Variants in CASZ1 observed in about 807,000 individuals in gnomAD.
CASZ1 encodes zinc finger protein castor homolog 1.
Under a neutral mutation model 135.2 loss-of-function variants are expected in CASZ1, and 28 were observed. The observed-to-expected ratio is 0.21, with a 90% CI of 0.15 to 0.28. CASZ1 has a LOEUF of 0.28. Among genes scored for constraint, CASZ1 ranks in the 10% least tolerant of loss-of-function variants. The pLI is 1.00. For missense variants in CASZ1, 2,161 were observed against 2,453.3 expected, an observed-to-expected ratio of 0.88 and a Z score of 2.52; for synonymous variants, 1,068 against 1,073.4, an observed-to-expected ratio of 0.99 and a Z score of 0.10.
rs1175654545 is a variant in CASZ1 at position 10,755,615 on chromosome 1, GT to G, written c.-77+5085del. On this transcript the variant is annotated intron_variant, in intron 2 of 20. Transcript: ENST00000377022. This position sits in a 1 kb window ranked among gnomAD's most constrained non-coding sequence, Gnocchi z 4.3. ...GGGCCCGTGCATGGCGAGATGCGGGGTTTTCCTGCATCTGCTCCGAAGGCAG... is the reference window on the plus strand; with the variant it reads ...GGGCCCGTGCATGGCGAGATGCGGGGTTTCCTGCATCTGCTCCGAAGGCAG... 6.6e-6 allele frequency among the ~76,000 whole-genome samples: 1 copy of G among 152,038 alleles called. No homozygotes were observed. Among genetic ancestry groups the G allele is most frequent in the East Asian group, 1.9e-4 (1 of 5,170 alleles).
At chr1:10,656,936 G>A (rs928707189) in intron 7 of CASZ1, among the ~76,000 whole-genome samples, 200 bp from the exon 8 acceptor site, 1 of 152,172 alleles carries the variant, frequency 6.6e-6, no homozygotes, top group African/African-American at 2.4e-5. Context: ...CCCAAGAAAG[G>A]GGCAGGACAA....
chr1:10,705,016 T>C (rs1570503176), intron 3 of CASZ1, among the ~76,000 whole-genome samples: 1 of 152,328 alleles, frequency 6.6e-6, no homozygotes, highest in East Asian at 1.9e-4. Flanking sequence ...AGGAAGCCAC[T>C]AGGGGTGGCA....
Position 10,646,216 on chromosome 1 carries a change from C to T in CASZ1, c.3608G>A (p.Cys1203Tyr), listed in dbSNP as rs1173980065. The stretch of plus-strand genomic sequence containing the variant: ...GTTGTTGGGGTTGATGTGGTCCAGG[C>T]AGTGGGATTCGGCCTTGCCAGACGT... ...CKTSGKAESH[C>Y]LDHINPNNNL... is the part of the protein sequence containing the mutation. Residue 1203 changes from cysteine to tyrosine, a missense_variant, in exon 17 of 21, where the codon TGC becomes TAC. Physicochemically the swap from Cys to Tyr is radical, Grantham distance 194. Coordinates refer to ENST00000377022, the MANE Select transcript of CASZ1 (RefSeq NM_001079843.3). The surrounding 1 kb of genome is among the most constrained non-coding windows in gnomAD (Gnocchi z 6.4). The T allele has an allele frequency of 6.2e-7, 1 of 1,614,192 alleles. No individual in the cohort carries two copies. Among genetic ancestry groups the T allele is most frequent in the East Asian group, 2.2e-5 (1 of 44,890 alleles).
In CASZ1 at chr1:10,648,121, C is replaced by T. The variant is rs1026122382; in HGVS notation, c.3177G>A (p.Glu1059=). 21 of 1,534,574 alleles carry T rather than the reference C, an allele frequency of 1.4e-5. No homozygotes were observed. The highest frequency in any genetic ancestry group is 8.3e-5 in the African/African-American group (6 of 72,434). The change falls in exon 16 of 21, where the codon GAG becomes GAA. Residue 1059 remains glutamate (E), a synonymous_variant. Coordinates refer to ENST00000377022, the MANE Select transcript of CASZ1 (RefSeq NM_001079843.3). The part of the protein sequence containing the change: ...IKHANFHFRT[E]GGAAKGNTEA... ...CTGTGTTTCCTTTTGCTGCTCCTCC[C>T]TCTGTCCGGAAGTGGAAGCTGCGAG...
rs1639969712 is a variant in CASZ1 at position 10,743,495 on chromosome 1, T to C, written c.-77+17206A>G. Among the ~76,000 whole-genome samples the C allele has an allele frequency of 2.7e-5, 4 of 150,234 alleles. No homozygotes were observed. The South Asian group carries it at 8.5e-4, about 32-fold the overall frequency. On this transcript the variant is annotated intron_variant, in intron 2 of 20. Coordinates refer to ENST00000377022, the MANE Select transcript of CASZ1 (RefSeq NM_001079843.3). The stretch of plus-strand genomic sequence containing the variant: ...CCGGCATCCTCCACGTAGAGACCTG[T>C]ACTCAGGGGGATGGGCTGGGGGCCG...
intron 2 of CASZ1, among the ~76,000 whole-genome samples, chr1:10,714,574 G>A (rs1291117371): frequency 2.0e-5 from 3 of 152,206 alleles, no homozygotes; most frequent in East Asian, 1.9e-4. Context: ...TGGGCTGGCC[G>A]TGCTTTCACA....
At position 10,637,716 on chromosome 1, in the gene CASZ1, A is replaced by T. The variant is rs1008216022; in HGVS notation, c.*1226T>A. ...AGGTCAGGCCCTGGCCCGGGCTTCG[A>T]TGGCATCATCATCTCCAGGAAGGGG... On this transcript the variant is annotated 3_prime_UTR_variant, in exon 21 of 21. Coordinates refer to ENST00000377022, the MANE Select transcript of CASZ1 (RefSeq NM_001079843.3). 2 of 152,274 alleles carry T rather than the reference A, an allele frequency of 1.3e-5. No homozygotes were observed. The highest frequency in any genetic ancestry group is 2.9e-5 in the Non-Finnish European group (2 of 67,994). 9.4% of individuals were successfully genotyped at this position (152,274 alleles called of 1,614,324 possible).
rs1293233422 is a variant in CASZ1 at position 10,755,983 on chromosome 1, T to A, written c.-77+4718A>T. Among the ~76,000 whole-genome samples, 1 of 151,536 alleles carries A rather than the reference T, an allele frequency of 6.6e-6. No homozygotes were observed. Among genetic ancestry groups the A allele is most frequent in the Non-Finnish European group, 1.5e-5 (1 of 67,914 alleles). ...AAGGTCACGGATCTAGTGCAGACCA[T>A]AGAGGCGGAAAGCAGAAAAACCTCC... On this transcript the variant is annotated intron_variant, in intron 2 of 20. Coordinates refer to ENST00000377022, the MANE Select transcript of CASZ1 (RefSeq NM_001079843.3). The surrounding 1 kb of genome is among the most constrained non-coding windows in gnomAD (Gnocchi z 4.3).
chr1:10,694,014 G>A lies in CASZ1; in HGVS notation c.-23-102C>T, dbSNP rs1638853663. On this transcript the variant is annotated intron_variant, in intron 3 of 20. Transcript: ENST00000377022. The surrounding 1 kb of genome is among the most constrained non-coding windows in gnomAD (Gnocchi z 6.6). ...GCCCTGCTTGTCCCCCGCCCCGCAG[G>A]AGCGGCCCGTCCCGGGCGGGCGCCG... The A allele has an allele frequency of 5.2e-6, 6 of 1,160,632 alleles. No homozygotes were observed. Among genetic ancestry groups the A allele is most frequent in the Middle Eastern group, 2.1e-4 (1 of 4,840 alleles). The allele number at this position is 1,160,632 out of a possible 1,614,324, so 71.9% of individuals were successfully genotyped here. A position where few individuals can be genotyped will look rare whatever the true frequency, so the allele number is the denominator to read the frequency against.
intron 1 of CASZ1, among the ~76,000 whole-genome samples, chr1:10,771,480 G>C (rs924052781): frequency 1.3e-5 from 2 of 151,738 alleles, no homozygotes; most frequent in African/African-American, 4.8e-5. Flanking sequence ...TACGCTGGGT[G>C]TTTCCAGAAA....
At chr1:10,675,398 G>C (rs933506055) in intron 4 of CASZ1, among the ~76,000 whole-genome samples, 1 of 152,144 alleles carries the variant, frequency 6.6e-6, no homozygotes, top group Non-Finnish European at 1.5e-5. Context: ...GGAAGGAATG[G>C]GGGTCCTGGG....
In CASZ1 at chr1:10,663,763, A is replaced by G. The variant is rs114879393; in HGVS notation, c.505+1320T>C. 6.9e-3 allele frequency among the ~76,000 whole-genome samples: 1,047 copies of G among 152,320 alleles called. 15 individuals carry two copies. The highest frequency in any genetic ancestry group is 0.023 in the African/African-American group (976 of 41,566). On this transcript the variant is annotated intron_variant, in intron 5 of 20. Coordinates refer to ENST00000377022, the MANE Select transcript of CASZ1 (RefSeq NM_001079843.3). Reference sequence around the variant, plus strand: ...CTGTGTCCTCCAGCGCTCAGCGCTGAGTAGGCAGTCCCAGTGTCGGGCTGA... The same window carrying G: ...CTGTGTCCTCCAGCGCTCAGCGCTGGGTAGGCAGTCCCAGTGTCGGGCTGA...
chr1:10,646,111 T>C lies in CASZ1; in HGVS notation c.3696+17A>G, dbSNP rs1190686924. 6.2e-7 allele frequency: 1 copy of C among 1,613,366 alleles called. No individual in the cohort carries two copies. Among genetic ancestry groups the C allele is most frequent in the East Asian group, 2.2e-5 (1 of 44,876 alleles). The stretch of plus-strand genomic sequence containing the variant: ...TGCCCCCTACTCTGCCCCTGCGCCG[T>C]GTACCGCCATGCTGACCTGGTTGGG... On this transcript the variant is annotated intron_variant, in intron 17 of 20. Coordinates refer to ENST00000377022, the MANE Select transcript of CASZ1 (RefSeq NM_001079843.3). This position sits in a 1 kb window ranked among gnomAD's most constrained non-coding sequence, Gnocchi z 6.4.
intron 4 of CASZ1, among the ~76,000 whole-genome samples, chr1:10,693,415 C>T (rs1570486150): frequency 6.9e-6 from 1 of 145,548 alleles, no homozygotes; most frequent in South Asian, 2.2e-4. Flanking sequence ...CAGGACGCTG[C>T]TTTCAAAAAC....
intron 1 of CASZ1, among the ~76,000 whole-genome samples, chr1:10,764,965 A>G (rs191974802): frequency 9.0e-4 from 137 of 152,288 alleles, no homozygotes; most frequent in Admixed American, 4.0e-3. Context: ...AGCCACCTCC[A>G]TGCTAAGTCA....
chr1:10,741,272 T>C lies in CASZ1; in HGVS notation c.-77+19429A>G, dbSNP rs1322643890. 1.3e-5 allele frequency among the ~76,000 whole-genome samples: 2 copies of C among 152,334 alleles called. No homozygotes were observed. The highest frequency in any genetic ancestry group is 4.8e-5 in the African/African-American group (2 of 41,570). ...TGTTGGGATTACAGGCGTGAGCCAC[T>C]GCGCCTGGCTCTATATTGGGCTTTA... On this transcript the variant is annotated intron_variant, in intron 2 of 20. Coordinates refer to ENST00000377022, the MANE Select transcript of CASZ1 (RefSeq NM_001079843.3). This position sits in a 1 kb window ranked among gnomAD's most constrained non-coding sequence, Gnocchi z 5.0.
In CASZ1 at chr1:10,709,514, G is replaced by A. The variant is rs549622588; in HGVS notation, c.-76-3970C>T. Among the ~76,000 whole-genome samples, 63 of 152,296 alleles carry A rather than the reference G, an allele frequency of 4.1e-4. No individual in the cohort carries two copies. The South Asian group carries it at 7.0e-3, about 17-fold the overall frequency. ...GCCCGAGTGAGAGTCTCACTACCCC[G>A]GGACCAGGCGTGACAAAACCTATTT... On this transcript the variant is annotated intron_variant, in intron 2 of 20. Transcript: ENST00000377022. This position sits in a 1 kb window ranked among gnomAD's most constrained non-coding sequence, Gnocchi z 5.1.
chr1:10,795,330 C>G (rs899710760), intron 1 of CASZ1, among the ~76,000 whole-genome samples: 1 of 152,186 alleles, frequency 6.6e-6, no homozygotes, highest in Non-Finnish European at 1.5e-5. Context: ...GTTCCCTGCG[C>G]CCCCACAAAC....
chr1:10,791,922 C>T (rs1158305422), intron 1 of CASZ1, among the ~76,000 whole-genome samples: 1 of 152,012 alleles, frequency 6.6e-6, no homozygotes, highest in Non-Finnish European at 1.5e-5. Flanking sequence ...CAATAATTAG[C>T]AAAGGGGAAA....
Sources: allele counts gnomAD v4.1 joint callset (sites outside exome capture counted in the v4.1 genomes callset), GRCh38; gene constraint gnomAD v4.1.1; non-coding constraint Gnocchi (gnomAD v3.1); transcripts MANE v1.5; gene names NCBI Gene and HGNC (gene_info 2026-07-23, HGNC 2026-07-21).